The following SPATA31H1 variants were observed in gnomAD, a reference collection of about 807,000 sequenced individuals.
The protein encoded by SPATA31H1 is SPATA31 subfamily H member 1.
At chr2:27,543,897 C>T in the SPATA31H1 span, among the ~76,000 whole-genome samples, 3 of 152,056 alleles carry the variant, frequency 2.0e-5, no homozygotes, top group Non-Finnish European at 2.9e-5. Flanking sequence ...CCCTCTGGCA[C>T]GTTTCAGCTT....
chr2:27,547,181 T>TC, the SPATA31H1 span, among the ~76,000 whole-genome samples: 12 of 151,518 alleles, frequency 7.9e-5, 1 homozygote, highest in African/African-American at 2.9e-4. Context: ...TTTGATCTTT[T>TC]TTTTTTTTTT....
the SPATA31H1 span, among the ~76,000 whole-genome samples, chr2:27,539,322 A>C: frequency 6.8e-6 from 1 of 147,318 alleles, no homozygotes; most frequent in Non-Finnish European, 1.5e-5. Flanking sequence ...ATGACTCTTA[A>C]CGAGCATGCT....
the SPATA31H1 span, among the ~76,000 whole-genome samples, chr2:27,552,213 T>C: frequency 7.1e-4 from 108 of 152,014 alleles, no homozygotes; most frequent in Admixed American, 2.0e-3. Flanking sequence ...AGTTTTATAG[T>C]TTTACAGCTC....
the SPATA31H1 span, chr2:27,581,586 A>G: frequency 6.8e-7 from 1 of 1,464,918 alleles, no homozygotes; most frequent in Non-Finnish European, 9.2e-7. Context: ...AAGACATCGC[A>G]GTCCCTCCCA....
At chr2:27,571,203 C>A in the SPATA31H1 span, 1 of 398,440 alleles carries the variant, frequency 2.5e-6, no homozygotes, top group Non-Finnish European at 4.4e-6. Flanking sequence ...AACCCCAGAG[C>A]CACAGGCAGG....
the SPATA31H1 span, chr2:27,577,795 A>G: frequency 6.2e-7 from 1 of 1,614,174 alleles, no homozygotes; most frequent in Non-Finnish European, 8.5e-7. The surrounding 1 kb of genome is among the most constrained non-coding windows in gnomAD (Gnocchi z 4.5). Flanking sequence ...CTGACCTGTA[A>G]GCAATGGCTA....
the SPATA31H1 span, chr2:27,574,884 A>G: frequency 2.5e-6 from 1 of 398,458 alleles, no homozygotes; most frequent in African/African-American, 2.1e-5. Flanking sequence ...CTTGCAAGGT[A>G]TGAAATCTTC....
the SPATA31H1 span, chr2:27,579,329 A>T: frequency 6.2e-7 from 1 of 1,614,242 alleles, no homozygotes; most frequent in Non-Finnish European, 8.5e-7. Flanking sequence ...GAGCCACTGC[A>T]GATACCTGTC....
the SPATA31H1 span, among the ~76,000 whole-genome samples, chr2:27,561,815 C>T: frequency 1.3e-5 from 2 of 152,196 alleles, no homozygotes; most frequent in African/African-American, 4.8e-5. Flanking sequence ...CTTCCTACCT[C>T]AGCCTCCTGA....
At chr2:27,550,719 G>T in the SPATA31H1 span, among the ~76,000 whole-genome samples, 1 of 151,710 alleles carries the variant, frequency 6.6e-6, no homozygotes. Context: ...GCGCCTGGCT[G>T]GGTGATAAAT....
chr2:27,576,896 T>A, the SPATA31H1 span: 2 of 1,614,028 alleles, frequency 1.2e-6, no homozygotes, highest in Admixed American at 3.3e-5. Context: ...GGGAGCAAAC[T>A]CCAAGAACAA....
the SPATA31H1 span, chr2:27,578,853 G>T: frequency 1.2e-6 from 2 of 1,614,134 alleles, no homozygotes; most frequent in East Asian, 2.2e-5. Flanking sequence ...GATACAGGAA[G>T]TATCCAGAGC....
chr2:27,576,466 C>A, the SPATA31H1 span: 1 of 831,540 alleles, frequency 1.2e-6, no homozygotes, highest in Non-Finnish European at 1.9e-6. Flanking sequence ...ACTCTATGGC[C>A]ACAACCTCAA....
chr2:27,577,259 C>T, the SPATA31H1 span: 2 of 1,613,974 alleles, frequency 1.2e-6, no homozygotes, highest in East Asian at 2.2e-5. This position sits in a 1 kb window ranked among gnomAD's most constrained non-coding sequence, Gnocchi z 4.5. Flanking sequence ...AGAAAAGCTA[C>T]CAAATCCTAG....
the SPATA31H1 span, among the ~76,000 whole-genome samples, chr2:27,553,974 C>G: frequency 1.2e-4 from 19 of 152,144 alleles, no homozygotes; most frequent in South Asian, 3.5e-3. Context: ...TCGTGACTCA[C>G]AAGTTCTACT....
chr2:27,578,343 A>T, the SPATA31H1 span: 2 of 1,614,160 alleles, frequency 1.2e-6, no homozygotes, highest in South Asian at 2.2e-5. Context: ...TGTAAAAACT[A>T]TGTTAATCCC....
At chr2:27,562,905 G>C in the SPATA31H1 span, among the ~76,000 whole-genome samples, 13 of 151,442 alleles carry the variant, frequency 8.6e-5, no homozygotes, top group Admixed American at 8.6e-4. Flanking sequence ...AAAAAAATTG[G>C]GGGAGTACTG....
the SPATA31H1 span, among the ~76,000 whole-genome samples, chr2:27,563,288 A>G: frequency 2.1e-5 from 3 of 146,002 alleles, no homozygotes; most frequent in Non-Finnish European, 3.0e-5. Flanking sequence ...CAGTTTTGGT[A>G]TCTTATATTT....
the SPATA31H1 span, chr2:27,578,303 G>C: frequency 1.2e-6 from 2 of 1,614,138 alleles, no homozygotes; most frequent in Non-Finnish European, 1.7e-6. Context: ...ACCAGATTTT[G>C]GAAACAGTGG....
Sources: gnomAD v4.1 joint callset for allele counts (sites outside exome capture counted in the v4.1 genomes callset) on GRCh38, gnomAD v4.1.1 for gene constraint, Gnocchi (gnomAD v3.1) non-coding constraint, MANE v1.5 for transcripts, NCBI Gene and HGNC (gene_info 2026-07-23, HGNC 2026-07-21) for gene names.